The following NHS variants were observed in gnomAD, a reference collection of about 807,000 sequenced individuals.
NHS encodes the protein actin remodeling regulator NHS.
In NHS, 5 loss-of-function variants were observed where a neutral mutation model predicts 72.5. That is an observed-to-expected ratio of 0.07 (90% CI 0.04 to 0.14). The LOEUF (loss-of-function observed/expected upper bound fraction) is 0.14, where lower values mean the gene tolerates loss of function less well. Ranked by LOEUF, NHS falls within the 10% of genes least tolerant of loss-of-function variation. The pLI, the probability that NHS is intolerant of heterozygous loss-of-function variation, is 1.00. For missense variants in NHS, 1,072 were observed against 1,355.7 expected, an observed-to-expected ratio of 0.79 and a Z score of 3.29; for synonymous variants, 464 against 547.7, an observed-to-expected ratio of 0.85 and a Z score of 2.13.
intron 1 of NHS, among the ~76,000 whole-genome samples, chrX:17,577,645 CA>C (rs1353176235): frequency 1.8e-5 from 2 of 110,990 alleles, no homozygotes; most frequent in Non-Finnish European, 3.8e-5. Context: ...AGAAGGTGGC[CA>C]AAAAAACCTG....
intron 1 of NHS, among the ~76,000 whole-genome samples, chrX:17,597,339 A>G (rs1035254816): frequency 3.7e-5 from 4 of 108,543 alleles, no homozygotes; most frequent in Non-Finnish European, 7.6e-5. Context: ...GTTAGCCAGG[A>G]TGATCTCGAT....
intron 1 of NHS, among the ~76,000 whole-genome samples, chrX:17,540,194 C>T (rs1045999012): frequency 1.8e-5 from 2 of 111,744 alleles, no homozygotes; most frequent in African/African-American, 3.3e-5. Context: ...ATGTTGAACA[C>T]ACTCATACTT....
intron 1 of NHS, among the ~76,000 whole-genome samples, chrX:17,433,116 C>A (rs1359153861): frequency 1.7e-4 from 19 of 108,841 alleles, no homozygotes; most frequent in Non-Finnish European, 2.9e-4. Context: ...TGCAAGCTCT[C>A]CCTCCCAGGT....
chrX:17,665,786 G>T (rs1157719356), intron 1 of NHS, among the ~76,000 whole-genome samples: 1 of 111,816 alleles, frequency 8.9e-6, no homozygotes. Context: ...AAGCCATCTG[G>T]GTCTGGAATT....
At chrX:17,654,586 A>G (rs749753808) in intron 1 of NHS, among the ~76,000 whole-genome samples, 2 of 112,778 alleles carry the variant, frequency 1.8e-5, no homozygotes, top group African/African-American at 3.2e-5. Flanking sequence ...GTGTTTCACA[A>G]TTGTGAATTC....
At chrX:17,608,268 G>A (rs775363388) in intron 1 of NHS, among the ~76,000 whole-genome samples, 105 of 111,415 alleles carry the variant, frequency 9.4e-4, no homozygotes, top group African/African-American at 2.8e-3. Flanking sequence ...AGTTTAAGGA[G>A]GTGGCCAGAG....
intron 1 of NHS, among the ~76,000 whole-genome samples, chrX:17,573,793 G>A (rs1406921067): frequency 1.8e-5 from 2 of 111,616 alleles, no homozygotes; most frequent in Non-Finnish European, 3.8e-5. Flanking sequence ...TTCTGCTCTG[G>A]TTTCTCCCCA....
At chrX:17,527,473 T>G (rs2065178706) in intron 1 of NHS, among the ~76,000 whole-genome samples, 1 of 112,823 alleles carries the variant, frequency 8.9e-6, no homozygotes, top group Non-Finnish European at 1.9e-5. Context: ...GAAGGAAACT[T>G]TCTCAGGCCC....
intron 1 of NHS, among the ~76,000 whole-genome samples, chrX:17,449,384 A>G (rs2064796244): frequency 8.9e-6 from 1 of 112,426 alleles, no homozygotes; most frequent in Non-Finnish European, 1.9e-5. Context: ...TGCATTTCTG[A>G]TAGGAAAGAG....
chrX:17,488,898 C>T (rs1230534438), intron 1 of NHS, among the ~76,000 whole-genome samples: 2 of 110,592 alleles, frequency 1.8e-5, no homozygotes, highest in East Asian at 2.9e-4. Context: ...CCCATCAACC[C>T]GTCATCTACA....
chrX:17,481,116 C>G (rs954309790), intron 1 of NHS, among the ~76,000 whole-genome samples: 1 of 111,960 alleles, frequency 8.9e-6, no homozygotes, highest in Non-Finnish European at 1.9e-5. Flanking sequence ...GAACGACCTT[C>G]TTGCTGGTAT....
intron 1 of NHS, among the ~76,000 whole-genome samples, chrX:17,530,583 C>T (rs1489166261): frequency 9.0e-6 from 1 of 111,457 alleles, no homozygotes. Flanking sequence ...TCTGAATTTG[C>T]TGTTTAACAT....
At chrX:17,624,100 C>G (rs1181082105) in intron 1 of NHS, among the ~76,000 whole-genome samples, 1 of 112,471 alleles carries the variant, frequency 8.9e-6, no homozygotes, top group African/African-American at 3.2e-5. Context: ...TAAAGGCATT[C>G]AAAGTCAATT....
chrX:17,451,316 T>A (rs2064804555), intron 1 of NHS, among the ~76,000 whole-genome samples: 1 of 111,884 alleles, frequency 8.9e-6, no homozygotes, highest in Admixed American at 9.5e-5. Context: ...TCTAGCATAG[T>A]CATGGGTAAA....
intron 1 of NHS, among the ~76,000 whole-genome samples, chrX:17,450,641 C>T (rs1174482341): frequency 3.6e-5 from 4 of 111,969 alleles, no homozygotes; most frequent in Non-Finnish European, 7.5e-5. Context: ...TTTGGGAGGC[C>T]GAGGCAGGTG....
intron 1 of NHS, among the ~76,000 whole-genome samples, chrX:17,550,088 T>C (rs2065324298): frequency 8.9e-6 from 1 of 112,015 alleles, no homozygotes; most frequent in South Asian, 3.7e-4. Context: ...GATTTCTTGA[T>C]ACCCAAAGCC....
At chrX:17,574,418 T>TC (rs1247329729) in intron 1 of NHS, among the ~76,000 whole-genome samples, 1 of 111,373 alleles carries the variant, frequency 9.0e-6, no homozygotes, top group African/African-American at 3.3e-5. Context: ...TGGACTCCCC[T>TC]CCCCCCACCA....
At position 17,534,074 on chromosome X, in the gene NHS, C is replaced by T. The variant is rs185188432; in HGVS notation, c.566-153668C>T. On this transcript the variant is annotated intron_variant, in intron 1 of 8. Coordinates refer to ENST00000676302, the MANE Select transcript of NHS (RefSeq NM_001291867.2). ...CTACTGAGAGGAAGAAAGCCTTCTTCGGACTGTTGCCTGAAAGGTCATTGT... is the reference window on the plus strand; with the variant it reads ...CTACTGAGAGGAAGAAAGCCTTCTTTGGACTGTTGCCTGAAAGGTCATTGT... Among the ~76,000 whole-genome samples the T allele has an allele frequency of 8.7e-3, 903 of 103,969 alleles. 3 individuals are homozygous for T. Among genetic ancestry groups the T allele is most frequent in the Non-Finnish European group, 0.012 (596 of 51,418 alleles). 90.3% of individuals were successfully genotyped at this position (103,969 alleles called of 115,157 possible).
intron 1 of NHS, among the ~76,000 whole-genome samples, chrX:17,506,387 A>G (rs2065058218): frequency 9.1e-6 from 1 of 109,714 alleles, no homozygotes; most frequent in Admixed American, 9.8e-5. Flanking sequence ...AAAATTAGCC[A>G]GGTGTGGTGG....
Sources: allele counts gnomAD v4.1 joint callset (sites outside exome capture counted in the v4.1 genomes callset), GRCh38; gene constraint gnomAD v4.1.1; transcripts MANE v1.5; gene names NCBI Gene and HGNC (gene_info 2026-07-23, HGNC 2026-07-21).